The following KCNT2 variants were observed in gnomAD, a reference collection of about 807,000 sequenced individuals.
KCNT2 encodes potassium channel subfamily T member 2.
KCNT2 carries 67 observed loss-of-function variants against 153.8 expected under a neutral mutation model. The observed-to-expected ratio is 0.44, with a 90% CI of 0.36 to 0.53. KCNT2 has a LOEUF of 0.53. Among genes scored for constraint, KCNT2 ranks in the 20% least tolerant of loss-of-function variants. The pLI, the probability that KCNT2 is intolerant of heterozygous loss-of-function variation, is 0.00. For synonymous variants in KCNT2, 500 were observed against 458.8 expected (o/e 1.09, Z -1.15); for missense variants, 975 against 1,354.8 (o/e 0.72, Z 4.40).
chr1:196,276,558 T>C (rs1476579163), intron 25 of KCNT2, among the ~76,000 whole-genome samples: 1 of 152,000 alleles, frequency 6.6e-6, no homozygotes, highest in Non-Finnish European at 1.5e-5. Context: ...TCCTCTTTAC[T>C]TCATTCTTGT....
At position 196,338,423 on chromosome 1, in the gene KCNT2, A is replaced by G. The variant is rs1034138249; in HGVS notation, c.1783+1918T>C. Among the ~76,000 whole-genome samples the G allele has an allele frequency of 3.9e-5, 6 of 152,226 alleles. No individual in the cohort carries two copies. In the South Asian group the frequency reaches 1.0e-3, roughly 26 times the overall value. The stretch of plus-strand genomic sequence containing the variant: ...AGTAATTTATTTTCTAAACTAGGAT[A>G]CTGCAGAGTAAAAGGGGGTTCTTTT... On this transcript the variant is annotated intron_variant, in intron 16 of 27. Coordinates refer to ENST00000294725, the MANE Select transcript of KCNT2 (RefSeq NM_198503.5).
intron 1 of KCNT2, among the ~76,000 whole-genome samples, chr1:196,591,399 G>C (rs538684136): frequency 6.6e-6 from 1 of 152,062 alleles, no homozygotes; most frequent in Non-Finnish European, 1.5e-5. Flanking sequence ...CACCCAGCCT[G>C]AGGTATTCCT....
intron 8 of KCNT2, among the ~76,000 whole-genome samples, chr1:196,436,957 T>C (rs957681828): frequency 7.2e-6 from 1 of 138,270 alleles, no homozygotes; most frequent in Non-Finnish European, 1.5e-5. Flanking sequence ...CATTTTGGTA[T>C]GTTTACATTT....
At chr1:196,250,333 A>G (rs1317356036) in intron 26 of KCNT2, among the ~76,000 whole-genome samples, 3 of 152,158 alleles carry the variant, frequency 2.0e-5, no homozygotes, top group Admixed American at 6.6e-5. Flanking sequence ...ACAAAACCAG[A>G]TATCAACAGT....
At chr1:196,436,714 T>A (rs1674693308) in intron 8 of KCNT2, among the ~76,000 whole-genome samples, 1 of 151,226 alleles carries the variant, frequency 6.6e-6, no homozygotes, top group Admixed American at 6.6e-5. Flanking sequence ...TACCCAGAAA[T>A]AATTTTAATG....
chr1:196,281,348 G>C (rs915219486), intron 24 of KCNT2, among the ~76,000 whole-genome samples: 2 of 152,178 alleles, frequency 1.3e-5, no homozygotes, highest in African/African-American at 4.8e-5. Context: ...TAGAGCACTG[G>C]TAATTGACTG....
intron 1 of KCNT2, among the ~76,000 whole-genome samples, chr1:196,535,509 G>GT (rs1489093694): frequency 1.4e-4 from 22 of 152,230 alleles, no homozygotes; most frequent in African/African-American, 5.3e-4. Flanking sequence ...AGTTTAGGCT[G>GT]TTTAAAAAGT....
chr1:196,492,311 AT>A lies in KCNT2; in HGVS notation c.125del (p.Asn42IlefsTer7). On this transcript the variant is annotated frameshift_variant, in exon 2 of 28. Coordinates refer to ENST00000294725, the MANE Select transcript of KCNT2 (RefSeq NM_198503.5). LOFTEE classifies it high-confidence loss of function. ...RVQVEFYMNE[N>X]TFKERLKLFF... ...ATAATTTTAGTCTTTCTTTAAATGT[AT>A]TTTCATTCATATAGAATTCAACTTG... 1 of 1,436,888 alleles carries A rather than the reference AT, an allele frequency of 7.0e-7. No individual in the cohort carries two copies. The highest frequency in any genetic ancestry group is 9.3e-7 in the Non-Finnish European group (1 of 1,071,306). The allele number at this position is 1,436,888 out of a possible 1,614,324, so 89.0% of individuals were successfully genotyped here.
intron 14 of KCNT2, among the ~76,000 whole-genome samples, chr1:196,349,656 A>C (rs1004962933): frequency 1.3e-5 from 2 of 151,950 alleles, no homozygotes; most frequent in Non-Finnish European, 2.9e-5. Flanking sequence ...GGTACTAGAA[A>C]GATAGGTCAA....
intron 25 of KCNT2, 94 bp from the exon 26 acceptor site, chr1:196,258,588 T>G (rs1656724514): frequency 4.2e-6 from 4 of 954,900 alleles, no homozygotes; most frequent in Non-Finnish European, 6.2e-6. Context: ...TATTGTTATA[T>G]TTCTACTCAG....
At chr1:196,251,697 G>A (rs894678844) in intron 26 of KCNT2, among the ~76,000 whole-genome samples, 1 of 151,890 alleles carries the variant, frequency 6.6e-6, no homozygotes, top group Non-Finnish European at 1.5e-5. Flanking sequence ...GCAAAACATG[G>A]TGACTACAGT....
intron 25 of KCNT2, among the ~76,000 whole-genome samples, chr1:196,265,480 G>T (rs1480671378): frequency 6.6e-6 from 1 of 152,130 alleles, no homozygotes; most frequent in Non-Finnish European, 1.5e-5. Context: ...TGAATCAAGT[G>T]GTTGGTATCC....
At chr1:196,597,412 C>G (rs1298138790) in intron 1 of KCNT2, among the ~76,000 whole-genome samples, 1 of 150,522 alleles carries the variant, frequency 6.6e-6, no homozygotes, top group Non-Finnish European at 1.5e-5. Flanking sequence ...AAATACAGTA[C>G]TGGGTGTGTC....
At chr1:196,349,005 G>A (rs900286377) in intron 14 of KCNT2, among the ~76,000 whole-genome samples, 3 of 152,002 alleles carry the variant, frequency 2.0e-5, no homozygotes, top group African/African-American at 4.8e-5. Context: ...TGAATAAAGG[G>A]GCATGCTGTA....
chr1:196,250,419 G>T (rs920612957), intron 26 of KCNT2, among the ~76,000 whole-genome samples: 1 of 152,074 alleles, frequency 6.6e-6, no homozygotes, highest in African/African-American at 2.4e-5. Flanking sequence ...AGGAAAACTG[G>T]ATATCTATAT....
At chr1:196,436,295 T>C (rs941172478) in intron 8 of KCNT2, among the ~76,000 whole-genome samples, 12 of 151,598 alleles carry the variant, frequency 7.9e-5, no homozygotes, top group Non-Finnish European at 1.8e-4. Flanking sequence ...ATTATTCAAG[T>C]AAAATATATC....
At chr1:196,396,621 A>T (rs901157438) in intron 13 of KCNT2, among the ~76,000 whole-genome samples, 8 of 151,762 alleles carry the variant, frequency 5.3e-5, no homozygotes, top group African/African-American at 1.7e-4. Flanking sequence ...GGATGCCTTC[A>T]TCTTTACACA....
chr1:196,364,574 T>A (rs965747149), intron 14 of KCNT2, among the ~76,000 whole-genome samples: 2 of 152,136 alleles, frequency 1.3e-5, no homozygotes, highest in East Asian at 3.9e-4. Context: ...TAAAATTCCC[T>A]TAAGCTTAAA....
intron 14 of KCNT2, among the ~76,000 whole-genome samples, chr1:196,365,081 T>G (rs1667929522): frequency 6.6e-6 from 1 of 152,124 alleles, no homozygotes; most frequent in Admixed American, 6.6e-5. Flanking sequence ...ATTTGGAACC[T>G]TCTCTTTCTT....
Sources: allele counts gnomAD v4.1 joint callset (sites outside exome capture counted in the v4.1 genomes callset), GRCh38; gene constraint gnomAD v4.1.1; transcripts MANE v1.5; gene names NCBI Gene and HGNC (gene_info 2026-07-23, HGNC 2026-07-21).